TPPP: variants seen among roughly 807,000 people sequenced by gnomAD.
The protein encoded by TPPP is tubulin polymerization-promoting protein.
Under a neutral mutation model 15.5 loss-of-function variants are expected in TPPP, and 6 were observed. The ratio of observed to expected loss-of-function variants is 0.39; its 90% CI spans 0.21 to 0.77. The LOEUF is 0.77. TPPP is among the 30% of genes least tolerant of loss of function. The pLI is 0.42. For synonymous variants in TPPP, 146 were observed against 133.9 expected, an observed-to-expected ratio of 1.09 and a Z score of -0.63; for missense variants, 269 against 307.2, an observed-to-expected ratio of 0.88 and a Z score of 0.93.
chr5:667,785 C>T (rs917701850), intron 2 of TPPP, among the ~76,000 whole-genome samples: 4 of 151,726 alleles, frequency 2.6e-5, no homozygotes, highest in Admixed American at 6.6e-5. Flanking sequence ...GACAAGCACA[C>T]GGAGAGGGGT....
Position 664,898 on chromosome 5 carries a change from C to G in TPPP, c.*204G>C. On this transcript the variant is annotated 3_prime_UTR_variant, in exon 4 of 4. Coordinates refer to ENST00000360578, the MANE Select transcript of TPPP (RefSeq NM_007030.3). ...TATTAGGAGGGTCAGCGAACTGGGGCCCAAACCTGGTTTGAGAGGGGAGTG... is the reference window on the plus strand; with the variant it reads ...TATTAGGAGGGTCAGCGAACTGGGGGCCAAACCTGGTTTGAGAGGGGAGTG... 1 of 605,256 alleles carries G rather than the reference C, an allele frequency of 1.7e-6. No homozygotes were observed. Among genetic ancestry groups the G allele is most frequent in the Non-Finnish European group, 2.9e-6 (1 of 346,538 alleles). 37.5% of individuals were successfully genotyped at this position (605,256 alleles called of 1,614,324 possible). A position where few individuals can be genotyped will look rare whatever the true frequency, so the allele number is the denominator to read the frequency against.
chr5:697,728 G>A (rs1350638941), upstream of TPPP, among the ~76,000 whole-genome samples: 16 of 151,896 alleles, frequency 1.1e-4, no homozygotes, highest in Non-Finnish European at 1.6e-4. Context: ...CCCAGGACTA[G>A]ATGGATTCAC....
rs1256692313 is a variant in TPPP at position 685,823 on chromosome 5, C to T, written c.-5+7455G>A. 3.3e-5 allele frequency among the ~76,000 whole-genome samples: 5 copies of T among 152,202 alleles called. No homozygotes were observed. In the South Asian group the frequency reaches 6.2e-4, roughly 19 times the overall value. On this transcript the variant is annotated intron_variant, in intron 1 of 3. Coordinates refer to ENST00000360578, the MANE Select transcript of TPPP (RefSeq NM_007030.3). The stretch of plus-strand genomic sequence containing the variant: ...AGGCGGGGCAGTCTCAGAGAAAACC[C>T]TCCCAGGCCACACGGCAGATCCCCT...
At chr5:685,141 C>T (rs1479478981) in intron 1 of TPPP, among the ~76,000 whole-genome samples, 1 of 152,140 alleles carries the variant, frequency 6.6e-6, no homozygotes, top group Non-Finnish European at 1.5e-5. Flanking sequence ...GTCCAGAGGT[C>T]ATCACTCTTG....
intron 1 of TPPP, among the ~76,000 whole-genome samples, chr5:686,528 G>A (rs1740772436): frequency 6.8e-6 from 1 of 147,764 alleles, no homozygotes. Context: ...TACCCTCGGG[G>A]CTCCGGGTCC....
chr5:669,374 C>A (rs879579755), intron 2 of TPPP, among the ~76,000 whole-genome samples: 1 of 152,174 alleles, frequency 6.6e-6, no homozygotes, highest in African/African-American at 2.4e-5. Flanking sequence ...GGCGTGGACA[C>A]CCGCACGTTC....
Position 665,319 on chromosome 5 carries a change from G to T in TPPP, c.466-23C>A, listed in dbSNP as rs761708657. The T allele has an allele frequency of 3.1e-5, 50 of 1,602,438 alleles. 1 individual carries two copies. In the South Asian group the frequency reaches 4.4e-4, roughly 14 times the overall value. On this transcript the variant is annotated intron_variant, in intron 3 of 3. Coordinates refer to ENST00000360578, the MANE Select transcript of TPPP (RefSeq NM_007030.3). Reference sequence around the variant, plus strand: ...TTTCTGCAAGAGGAGCAGGAGGAAGGGGGCAGGTGAGTTGCGAGCCAGGTG... The same window carrying T: ...TTTCTGCAAGAGGAGCAGGAGGAAGTGGGCAGGTGAGTTGCGAGCCAGGTG...
chr5:685,929 A>T (rs965329450), intron 1 of TPPP, among the ~76,000 whole-genome samples: 3 of 152,156 alleles, frequency 2.0e-5, no homozygotes, highest in African/African-American at 7.2e-5. Context: ...ATGGCTGAGT[A>T]TCCAGGCCAC....
At chr5:698,265 G>A (rs1409576247), upstream of TPPP, among the ~76,000 whole-genome samples, 1 of 152,048 alleles carries the variant, frequency 6.6e-6, no homozygotes, top group Non-Finnish European at 1.5e-5. Context: ...AGACATGGAT[G>A]CCCACTTTCA....
At chr5:669,954 C>G (rs1740148824) in intron 2 of TPPP, among the ~76,000 whole-genome samples, 1 of 152,140 alleles carries the variant, frequency 6.6e-6, no homozygotes. Flanking sequence ...GAGTGTGGAG[C>G]TCGGCATCCT....
intron 2 of TPPP, among the ~76,000 whole-genome samples, chr5:674,636 G>A (rs185601080): frequency 5.3e-5 from 8 of 152,070 alleles, no homozygotes; most frequent in Non-Finnish European, 5.9e-5. Flanking sequence ...CCACCAGAGC[G>A]GCCCTGGTCA....
chr5:696,419 C>T (rs1408674325), upstream of TPPP, among the ~76,000 whole-genome samples: 1 of 145,130 alleles, frequency 6.9e-6, no homozygotes, highest in Admixed American at 6.9e-5. Context: ...AGGTGTCCAC[C>T]CACCCCTGGC....
In TPPP at chr5:665,225, G is replaced by A. The variant is rs759660460; in HGVS notation, c.537C>T (p.Arg179=). Residue 179 remains arginine (R), a synonymous_variant, in exon 4 of 4, where the codon CGC becomes CGT. Transcript: ENST00000360578. ...TTKFTGSHKE[R]FDPSGKGKGK... ...CCTTGCCCTTGCCAGAGGGGTCGAAGCGCTCCTTGTGGGAGCCCGTGAACT... is the reference window on the plus strand; with the variant it reads ...CCTTGCCCTTGCCAGAGGGGTCGAAACGCTCCTTGTGGGAGCCCGTGAACT... The A allele has an allele frequency of 3.0e-5, 48 of 1,613,768 alleles. No homozygotes were observed. Among genetic ancestry groups the A allele is most frequent in the Non-Finnish European group, 3.7e-5 (44 of 1,179,968 alleles).
chr5:684,648 G>T (rs1316686429), intron 1 of TPPP, among the ~76,000 whole-genome samples: 1 of 152,062 alleles, frequency 6.6e-6, no homozygotes, highest in African/African-American at 2.4e-5. Flanking sequence ...CAGGGCCAAG[G>T]AACAAGGTGG....
chr5:680,245 G>T, intron 1 of TPPP, among the ~76,000 whole-genome samples: 1 of 115,472 alleles, frequency 8.7e-6, no homozygotes, highest in South Asian at 3.2e-4. Context: ...AGCACGGTGG[G>T]GGCCGTGGGG....
intron 2 of TPPP, 29 bp downstream of exon 2, chr5:677,720 TC>T: frequency 1.3e-6 from 2 of 1,517,986 alleles, no homozygotes; most frequent in Non-Finnish European, 1.8e-6. Context: ...GTAAGTCAGG[TC>T]CCTCGGCCCG....
chr5:667,977 CAGAGAGGGGGCCGTG>C (rs1740000057), intron 2 of TPPP, among the ~76,000 whole-genome samples: 2 of 48,514 alleles, frequency 4.1e-5, no homozygotes, highest in Non-Finnish European at 6.4e-5. Context: ...GACAAGCACA[CAGAGAGGGGGCCGTG>C]TGGGCGCCGT....
intron 2 of TPPP, among the ~76,000 whole-genome samples, chr5:669,599 G>A (rs1740121094): frequency 1.3e-5 from 2 of 152,186 alleles, no homozygotes; most frequent in South Asian, 4.1e-4. Context: ...CCAGTGCTGA[G>A]GCACGCAGCC....
In TPPP at chr5:663,241, A is replaced by G. The variant is rs902136887; in HGVS notation, c.*1861T>C. ...GGGTGATTCCGAACCGCACATTCAG[A>G]GTTGTTTTCAAATGTTTCCGCACGT... On this transcript the variant is annotated 3_prime_UTR_variant, in exon 4 of 4. Transcript: ENST00000360578. 10 of 152,078 alleles carry G rather than the reference A, an allele frequency of 6.6e-5. No homozygotes were observed. Among genetic ancestry groups the G allele is most frequent in the African/African-American group, 2.4e-4 (10 of 41,370 alleles). The allele number at this position is 152,078 out of a possible 1,614,324, so 9.4% of individuals were successfully genotyped here.
Sources: allele counts gnomAD v4.1 joint callset (sites outside exome capture counted in the v4.1 genomes callset), GRCh38; gene constraint gnomAD v4.1.1; transcripts MANE v1.5; gene names NCBI Gene and HGNC (gene_info 2026-07-23, HGNC 2026-07-21).